Variants in CFAP210 observed in about 807,000 individuals in gnomAD.
The protein encoded by CFAP210 is cilia- and flagella- associated protein 210.
At chr2:169,676,366 C>CAAA in the CFAP210 span, among the ~76,000 whole-genome samples, 1 of 140,520 alleles carries the variant, frequency 7.1e-6, no homozygotes, top group African/African-American at 2.6e-5. Context: ...TTCTGTGTTA[C>CAAA]AAAAAAAAAA....
chr2:169,675,269 A>C, the CFAP210 span, among the ~76,000 whole-genome samples: 3 of 152,186 alleles, frequency 2.0e-5, no homozygotes, highest in African/African-American at 4.8e-5. Flanking sequence ...AGGTATATGA[A>C]CTTCTCCTTT....
chr2:169,684,571 T>C, the CFAP210 span, among the ~76,000 whole-genome samples: 1 of 152,272 alleles, frequency 6.6e-6, no homozygotes, highest in Non-Finnish European at 1.5e-5. Context: ...TGGCATTTTA[T>C]ATCTGGCTTC....
the CFAP210 span, among the ~76,000 whole-genome samples, chr2:169,693,630 T>C: frequency 6.6e-6 from 1 of 152,264 alleles, no homozygotes; most frequent in South Asian, 2.1e-4. Flanking sequence ...CTAGAATTGA[T>C]AGAGTTCTTT....
the CFAP210 span, among the ~76,000 whole-genome samples, chr2:169,646,630 G>T: frequency 6.6e-6 from 1 of 152,144 alleles, no homozygotes; most frequent in Non-Finnish European, 1.5e-5. Flanking sequence ...AATCAGCAGT[G>T]AATATCTGGA....
chr2:169,655,889 G>C, the CFAP210 span, among the ~76,000 whole-genome samples: 1 of 152,166 alleles, frequency 6.6e-6, no homozygotes, highest in Non-Finnish European at 1.5e-5. Flanking sequence ...AAACTCAGTA[G>C]AACAAAAAGA....
At chr2:169,653,705 T>C in the CFAP210 span, among the ~76,000 whole-genome samples, 1 of 152,204 alleles carries the variant, frequency 6.6e-6, no homozygotes, top group Admixed American at 6.5e-5. Flanking sequence ...GGAAACTATT[T>C]ATTGGTCTTC....
At chr2:169,690,455 G>A in the CFAP210 span, among the ~76,000 whole-genome samples, 2 of 152,070 alleles carry the variant, frequency 1.3e-5, no homozygotes, top group Non-Finnish European at 1.5e-5. Context: ...CTGAGGTCAG[G>A]AGTTTGAGAC....
chr2:169,694,154 G>C, the CFAP210 span: 1 of 1,052,338 alleles, frequency 9.5e-7, no homozygotes, highest in Non-Finnish European at 1.5e-6. Context: ...ACCTGGTGGA[G>C]TCCATTTCAA....
the CFAP210 span, among the ~76,000 whole-genome samples, chr2:169,668,910 A>G: frequency 1.3e-5 from 2 of 152,248 alleles, no homozygotes; most frequent in African/African-American, 4.8e-5. Context: ...GCTGTTGAAC[A>G]AATGGTGCTG....
chr2:169,671,583 C>G, the CFAP210 span, among the ~76,000 whole-genome samples: 1 of 152,186 alleles, frequency 6.6e-6, no homozygotes, highest in Non-Finnish European at 1.5e-5. Context: ...ATTCTCTTGC[C>G]TCAGCCTCCT....
chr2:169,669,691 T>C, the CFAP210 span, among the ~76,000 whole-genome samples: 1 of 150,242 alleles, frequency 6.7e-6, no homozygotes, highest in African/African-American at 2.5e-5. Context: ...TGGATAAAGA[T>C]GCCGCTGGAG....
chr2:169,690,680 G>T, the CFAP210 span, among the ~76,000 whole-genome samples: 1 of 139,734 alleles, frequency 7.2e-6, no homozygotes, highest in Non-Finnish European at 1.6e-5. Flanking sequence ...AAAAAAAAAA[G>T]AATTCTTGAA....
chr2:169,690,630 T>A, the CFAP210 span, among the ~76,000 whole-genome samples: 2 of 145,550 alleles, frequency 1.4e-5, no homozygotes, highest in African/African-American at 5.2e-5. Flanking sequence ...GCCACTGCAC[T>A]CCAGCCTGGG....
chr2:169,662,023 G>C, the CFAP210 span, among the ~76,000 whole-genome samples: 2 of 152,108 alleles, frequency 1.3e-5, no homozygotes, highest in African/African-American at 4.8e-5. Context: ...ATAGCCTAGT[G>C]GGGGGACTAT....
the CFAP210 span, among the ~76,000 whole-genome samples, chr2:169,656,466 G>A: frequency 6.6e-6 from 1 of 150,602 alleles, no homozygotes; most frequent in Non-Finnish European, 1.5e-5. Context: ...TAGAGAAGGA[G>A]GAGGAGGAGA....
the CFAP210 span, chr2:169,650,299 T>C: frequency 3.3e-6 from 5 of 1,522,916 alleles, no homozygotes; most frequent in East Asian, 1.2e-4. Flanking sequence ...TCTGTCTTTC[T>C]ATTTTTATTT....
At chr2:169,645,969 C>T in the CFAP210 span, 3 of 1,613,966 alleles carry the variant, frequency 1.9e-6, no homozygotes, top group Non-Finnish European at 2.5e-6. Flanking sequence ...CCACCTCTGT[C>T]CACAAACACT....
the CFAP210 span, chr2:169,649,281 G>C: frequency 1.2e-6 from 2 of 1,613,602 alleles, no homozygotes; most frequent in South Asian, 2.2e-5. Flanking sequence ...CTGCTTTCAT[G>C]ACAGCCAGCA....
At chr2:169,694,305 A>C in the CFAP210 span, 1 of 1,614,052 alleles carries the variant, frequency 6.2e-7, no homozygotes, top group South Asian at 1.1e-5. Flanking sequence ...AAACCGTACC[A>C]GCATCTCTGA....
Sources: allele counts gnomAD v4.1 joint callset (sites outside exome capture counted in the v4.1 genomes callset), GRCh38; gene constraint gnomAD v4.1.1; transcripts MANE v1.5; gene names NCBI Gene and HGNC (gene_info 2026-07-23, HGNC 2026-07-21).